KIF17: variants seen among roughly 807,000 people sequenced by gnomAD.
KIF17 encodes kinesin-like protein KIF17.
KIF17 carries 80 observed loss-of-function variants against 96.8 expected under a neutral mutation model. The observed-to-expected ratio is 0.83, with a 90% CI of 0.69 to 1.00. The LOEUF is 1.00. Ranked by LOEUF, KIF17 falls within the 50% of genes least tolerant of loss-of-function variation. The pLI is 0.00. For missense variants in KIF17, 1,280 were observed against 1,372.9 expected, an observed-to-expected ratio of 0.93 and a Z score of 1.07; for synonymous variants, 567 against 587.5, an observed-to-expected ratio of 0.97 and a Z score of 0.51.
At chr1:20,686,923 G>A (rs570370074) in intron 8 of KIF17, among the ~76,000 whole-genome samples, 9 of 152,254 alleles carry the variant, frequency 5.9e-5, no homozygotes, top group South Asian at 2.1e-4. Context: ...TGGTCAGGGG[G>A]CCAGATGGAG....
chr1:20,706,442 T>C (rs757615414), intron 4 of KIF17, among the ~76,000 whole-genome samples: 1 of 151,038 alleles, frequency 6.6e-6, no homozygotes, highest in African/African-American at 2.4e-5. Context: ...AATACAAAAA[T>C]TAGCCGGGCG....
chr1:20,703,907 G>C (rs2054290359), intron 5 of KIF17, among the ~76,000 whole-genome samples: 1 of 151,146 alleles, frequency 6.6e-6, no homozygotes, highest in Non-Finnish European at 1.5e-5. Flanking sequence ...CTCCAGCCTG[G>C]GCGACAGAGC....
intron 6 of KIF17, among the ~76,000 whole-genome samples, chr1:20,690,681 C>CA (rs769389082): frequency 1.1e-3 from 153 of 144,288 alleles, no homozygotes; most frequent in Middle Eastern, 3.5e-3. Context: ...CCACCATCAG[C>CA]AAAAAAAAAT....
chr1:20,666,421 G>T, intron 13 of KIF17, 90 bp from the exon 14 acceptor site: 1 of 1,089,012 alleles, frequency 9.2e-7, no homozygotes, highest in Non-Finnish European at 1.4e-6. Context: ...GGGCAGTGGG[G>T]GCCGCCCCGA....
rs1015959712 is a variant in KIF17 at position 20,709,989 on chromosome 1, C to T, written c.481-161G>A. On this transcript the variant is annotated intron_variant, in intron 3 of 14. Transcript: ENST00000400463. This position sits in a 1 kb window ranked among gnomAD's most constrained non-coding sequence, Gnocchi z 4.7. ...GCCTGTCACAGGGAGGGGTGTGTTC[C>T]AGGCCCAGCCAGCCTCAGACCTACC... Among the ~76,000 whole-genome samples, 1 of 152,146 alleles carries T rather than the reference C, an allele frequency of 6.6e-6. No individual in the cohort carries two copies. Among genetic ancestry groups the T allele is most frequent in the African/African-American group, 2.4e-5 (1 of 41,430 alleles).
chr1:20,713,331 G>A, intron 3 of KIF17, 123 bp downstream of exon 3: 67 of 539,012 alleles, frequency 1.2e-4, no homozygotes, highest in South Asian at 4.3e-4. Flanking sequence ...AAAAAAAAAA[G>A]TCCCGACTCT....
At chr1:20,717,455 C>A (rs773311682) in intron 1 of KIF17, 21 bp downstream of exon 1, 3 of 1,608,816 alleles carry the variant, frequency 1.9e-6, no homozygotes, top group East Asian at 4.5e-5. Context: ...GCCTGCAGGG[C>A]GGCCTGCCGG....
intron 11 of KIF17, 146 bp downstream of exon 11, chr1:20,682,507 C>G: frequency 1.4e-6 from 1 of 710,062 alleles, no homozygotes; most frequent in East Asian, 2.7e-5. Context: ...GACCCTGTCT[C>G]TAAAAATAAA....
At position 20,664,652 on chromosome 1, in the gene KIF17, G is replaced by C; in HGVS notation, c.3019C>G (p.Leu1007Val). The C allele has an allele frequency of 6.2e-7, 1 of 1,613,960 alleles. No homozygotes were observed. Among genetic ancestry groups the C allele is most frequent in the Non-Finnish European group, 8.5e-7 (1 of 1,179,978 alleles). The change falls in exon 15 of 15, where the codon CTC becomes GTC. Residue 1007 changes from leucine to valine, a missense_variant. Transcript: ENST00000400463. ...TTGGCCTTGGTGAAAGGGATGTCGA[G>C]GGACTCGAGGCGGAAGGGCCGGGGC... ...PQPRPFRLES[L>V]DIPFTKAKRK... is the part of the protein sequence containing the mutation.
chr1:20,695,282 G>C (rs1000663803), intron 6 of KIF17, among the ~76,000 whole-genome samples: 1 of 152,100 alleles, frequency 6.6e-6, no homozygotes, highest in African/African-American at 2.4e-5. Flanking sequence ...CCACCTCCTG[G>C]GTTCAACCGA....
chr1:20,669,497 C>G (rs2154534964), intron 13 of KIF17, among the ~76,000 whole-genome samples: 1 of 150,560 alleles, frequency 6.6e-6, no homozygotes, highest in East Asian at 2.0e-4. Context: ...GATCGCACCA[C>G]TGCACTCTAG....
chr1:20,689,416 C>G (rs2154536232), intron 7 of KIF17, among the ~76,000 whole-genome samples: 1 of 152,252 alleles, frequency 6.6e-6, no homozygotes, highest in East Asian at 1.9e-4. Flanking sequence ...TTTGGGAGGC[C>G]AAGGCAGGTG....
At chr1:20,712,630 C>CTA (rs1156951272) in intron 3 of KIF17, among the ~76,000 whole-genome samples, 5 of 17,840 alleles carry the variant, frequency 2.8e-4, no homozygotes, top group African/African-American at 8.3e-4. Flanking sequence ...TAGATAATAT[C>CTA]TATATATATA....
In KIF17 at chr1:20,704,170, G is replaced by T. The variant is rs367570612; in HGVS notation, c.1123+277C>A. 3.7e-3 allele frequency among the ~76,000 whole-genome samples: 558 copies of T among 150,490 alleles called. 2 individuals carry two copies. Among genetic ancestry groups the T allele is most frequent in the African/African-American group, 0.013 (514 of 40,802 alleles). On this transcript the variant is annotated intron_variant, in intron 5 of 14. Transcript: ENST00000400463. This position sits in a 1 kb window ranked among gnomAD's most constrained non-coding sequence, Gnocchi z 6.8. ...GTGTGGTGGGGGGTGTGGTGGGGGT[G>T]GGGGGGATAATGGATGAGCAGATGA...
intron 1 of KIF17, 127 bp downstream of exon 1, chr1:20,717,349 C>T: frequency 9.6e-7 from 1 of 1,042,088 alleles, no homozygotes; most frequent in Non-Finnish European, 1.4e-6. Context: ...CCGGACCTAC[C>T]TGTTCCCGTC....
At position 20,717,729 on chromosome 1, in the gene KIF17, G is replaced by T. The variant is rs767071230; in HGVS notation, c.-23C>A. On this transcript the variant is annotated 5_prime_UTR_variant, in exon 1 of 15. Coordinates refer to ENST00000400463, the MANE Select transcript of KIF17 (RefSeq NM_001122819.3). ...CATGGCGCCGCGCCCAGGACCAACG[G>T]GACCAGAGCTGACCCCCGCCCCGCC... 9.1e-6 allele frequency: 14 copies of T among 1,542,618 alleles called. No homozygotes were observed. The highest frequency in any genetic ancestry group is 2.3e-5 in the South Asian group (2 of 85,398).
chr1:20,713,455 T>A lies in KIF17; in HGVS notation c.479A>T (p.Glu160Val). 6.2e-7 allele frequency: 1 copy of A among 1,611,152 alleles called. No homozygotes were observed. The highest frequency in any genetic ancestry group is 2.2e-5 in the East Asian group (1 of 44,816). ...LLGADTKQKLELKEHPEKGVY... is the reference protein window; with the variant it reads ...LLGADTKQKLVLKEHPEKGVY... ...TGCCCACAATGGGTCTGCACCCACC[T>A]CCAGCTTCTGCTTGGTGTCAGCCCC... Residue 160 changes from glutamate (E) to valine (V), a missense_variant and splice_region_variant, in exon 3 of 15, where the codon GAG becomes GTG. Coordinates refer to ENST00000400463, the MANE Select transcript of KIF17 (RefSeq NM_001122819.3).
At chr1:20,693,912 C>T (rs17407280) in intron 6 of KIF17, 28,304 of 152,186 alleles carry the variant, frequency 0.19, 2,750 homozygotes, top group Non-Finnish European at 0.22. Flanking sequence ...GCAAGGGCCG[C>T]CAGTTGCTTC....
chr1:20,695,122 A>C (rs1210556306), intron 6 of KIF17, among the ~76,000 whole-genome samples: 5 of 136,428 alleles, frequency 3.7e-5, no homozygotes, highest in African/African-American at 1.4e-4. Context: ...ACACGCATAC[A>C]CACACGCACA....
Sources: gnomAD v4.1 joint callset for allele counts (sites outside exome capture counted in the v4.1 genomes callset) on GRCh38, gnomAD v4.1.1 for gene constraint, Gnocchi (gnomAD v3.1) non-coding constraint, MANE v1.5 for transcripts, NCBI Gene and HGNC (gene_info 2026-07-23, HGNC 2026-07-21) for gene names.